The following DNAJC1 variants were observed in gnomAD, a reference collection of about 807,000 sequenced individuals.
DNAJC1 encodes the protein dnaJ homolog subfamily C member 1.
DNAJC1 carries 58 observed loss-of-function variants against 76.6 expected under a neutral mutation model. The observed-to-expected ratio is 0.76, with a 90% CI of 0.61 to 0.94. The LOEUF (loss-of-function observed/expected upper bound fraction) is 0.94. Among genes scored for constraint, DNAJC1 ranks in the 40% least tolerant of loss-of-function variants. The pLI, the probability that DNAJC1 is intolerant of heterozygous loss-of-function variation, is 0.00. For synonymous variants in DNAJC1, 258 were observed against 267.9 expected, an observed-to-expected ratio of 0.96 and a Z score of 0.36; for missense variants, 689 against 677.3, an observed-to-expected ratio of 1.02 and a Z score of -0.19.
intron 1 of DNAJC1, among the ~76,000 whole-genome samples, chr10:21,948,643 T>G (rs1451841473): frequency 6.6e-6 from 1 of 152,214 alleles, no homozygotes; most frequent in African/African-American, 2.4e-5. Context: ...GTTGTAATTG[T>G]TCTATTATTA....
In DNAJC1 at chr10:21,908,196, T is replaced by TATATATATAAAATATATATTATATATA. The variant is rs1564823966; in HGVS notation, c.730-3611_730-3585dup. 1.9e-4 allele frequency among the ~76,000 whole-genome samples: 19 copies of TATATATATAAAATATATATTATATATA among 101,140 alleles called. 1 individual carries two copies. The East Asian group carries it at 3.2e-3, about 17-fold the overall frequency. The allele number at this position is 101,140 out of a possible 152,430, so 66.4% of individuals were successfully genotyped here. On this transcript the variant is annotated intron_variant, in intron 6 of 11. Transcript: ENST00000376980. Reference sequence around the variant, plus strand: ...ATATATAATATATAAAAATATATATTATATATATAAAATATATATTATATA... The same window carrying TATATATATAAAATATATATTATATATA: ...ATATATAATATATAAAAATATATATTATATATATAAAATATATATTATATATAATATATATAAAATATATATTATATA...
chr10:21,949,434 A>G (rs1221479986), intron 1 of DNAJC1, among the ~76,000 whole-genome samples: 7 of 92,926 alleles, frequency 7.5e-5, no homozygotes, highest in South Asian at 3.8e-4. Context: ...TTTTTTTTTG[A>G]GATGGAGTCT....
At chr10:21,958,600 G>A (rs1837734086) in intron 1 of DNAJC1, among the ~76,000 whole-genome samples, 1 of 151,882 alleles carries the variant, frequency 6.6e-6, no homozygotes, top group Non-Finnish European at 1.5e-5. Context: ...CTAATTTTTC[G>A]TATTTTTAGT....
chr10:21,787,020 A>G (rs1171064137), intron 9 of DNAJC1, among the ~76,000 whole-genome samples: 1 of 152,110 alleles, frequency 6.6e-6, no homozygotes, highest in African/African-American at 2.4e-5. Flanking sequence ...ATGTTCTAAA[A>G]TTTACTCAGA....
chr10:21,800,482 T>A (rs1036547475), intron 9 of DNAJC1, among the ~76,000 whole-genome samples: 2 of 152,268 alleles, frequency 1.3e-5, no homozygotes, highest in African/African-American at 2.4e-5. Context: ...GACAATTTTT[T>A]AAAACACCAT....
chr10:21,834,078 C>T (rs1301323218), intron 8 of DNAJC1, among the ~76,000 whole-genome samples: 1 of 152,004 alleles, frequency 6.6e-6, no homozygotes, highest in Non-Finnish European at 1.5e-5. Flanking sequence ...TCCTGGGTAA[C>T]ACGGTGAAAC....
At chr10:21,834,683 T>C (rs994806763) in intron 8 of DNAJC1, among the ~76,000 whole-genome samples, 1 of 152,218 alleles carries the variant, frequency 6.6e-6, no homozygotes, top group African/African-American at 2.4e-5. Flanking sequence ...ATCCCGCACC[T>C]GGTTCAGAGG....
In DNAJC1 at chr10:21,841,295, C is replaced by T. The variant is rs778036838; in HGVS notation, c.979-35196G>A. 2.6e-5 allele frequency among the ~76,000 whole-genome samples: 4 copies of T among 152,142 alleles called. 1 individual carries two copies. The South Asian group carries it at 6.2e-4, about 24-fold the overall frequency. On this transcript the variant is annotated intron_variant, in intron 8 of 11. Transcript: ENST00000376980. ...AAGAGCTTCTGCACAGCAAAAGAAA[C>T]TACCATCAGTGAACAGGCAGCCTAC... is the stretch of plus-strand genomic sequence containing the variant.
At chr10:21,798,141 A>G (rs1485041917) in intron 9 of DNAJC1, among the ~76,000 whole-genome samples, 1 of 152,196 alleles carries the variant, frequency 6.6e-6, no homozygotes, top group Non-Finnish European at 1.5e-5. Flanking sequence ...ACAAGTATAC[A>G]TTGCTAATTA....
At chr10:21,986,445 A>G (rs1382203162) in intron 1 of DNAJC1, among the ~76,000 whole-genome samples, 1 of 152,120 alleles carries the variant, frequency 6.6e-6, no homozygotes, top group East Asian at 1.9e-4. Context: ...TAGCATTTGT[A>G]TATCTTCTTG....
At chr10:21,877,021 T>A (rs1464973018) in intron 8 of DNAJC1, among the ~76,000 whole-genome samples, 1 of 152,154 alleles carries the variant, frequency 6.6e-6, no homozygotes, top group African/African-American at 2.4e-5. Flanking sequence ...ATGCTTGTAA[T>A]CCTAACACTT....
At chr10:21,845,735 GGCAATTGTTTTAAT>G (rs1363046059) in intron 8 of DNAJC1, among the ~76,000 whole-genome samples, 1 of 151,860 alleles carries the variant, frequency 6.6e-6, no homozygotes, top group Non-Finnish European at 1.5e-5. Context: ...AATGCTCCAA[GGCAATTGTTTTAAT>G]GCAGAAAATA....
intron 8 of DNAJC1, among the ~76,000 whole-genome samples, chr10:21,852,700 A>G (rs1217126010): frequency 6.6e-6 from 1 of 152,154 alleles, no homozygotes; most frequent in African/African-American, 2.4e-5. Flanking sequence ...CATACCAAGC[A>G]TAATGCTTGG....
intron 1 of DNAJC1, among the ~76,000 whole-genome samples, chr10:21,999,480 G>C (rs1838480688): frequency 7.3e-6 from 1 of 137,054 alleles, no homozygotes; most frequent in African/African-American, 2.7e-5. Context: ...TTTTGAGACG[G>C]AGTCTCGCTC....
intron 10 of DNAJC1, 118 bp from the exon 11 acceptor site, chr10:21,759,736 T>A: frequency 1.2e-6 from 1 of 833,834 alleles, no homozygotes; most frequent in Non-Finnish European, 1.9e-6. Flanking sequence ...ATGCATGGTT[T>A]AATTTCATTT....
intron 1 of DNAJC1, among the ~76,000 whole-genome samples, chr10:21,967,049 T>G (rs1267044609): frequency 1.3e-5 from 2 of 151,704 alleles, no homozygotes; most frequent in East Asian, 3.9e-4. Flanking sequence ...TCTCAAAATT[T>G]TTTACAGTCT....
rs532971786 is a variant in DNAJC1, at chr10:21,813,175, C to CCTCTCT, written c.979-7082_979-7077dup. On this transcript the variant is annotated intron_variant, in intron 8 of 11. Coordinates refer to ENST00000376980, the MANE Select transcript of DNAJC1 (RefSeq NM_022365.4). Reference sequence around the variant, plus strand: ...GTCTCTCTCTCTCTCTCTCTCTCTCCCTCTCTCTCTCTCTCTCTCTCTCTC... The same window carrying CCTCTCT: ...GTCTCTCTCTCTCTCTCTCTCTCTCCCTCTCTCTCTCTCTCTCTCTCTCTCTCTCTC... Among the ~76,000 whole-genome samples the CCTCTCT allele has an allele frequency of 7.1e-4, 20 of 28,320 alleles. 1 individual carries two copies. Among genetic ancestry groups the CCTCTCT allele is most frequent in the East Asian group, 9.8e-4 (1 of 1,018 alleles). The allele number at this position is 28,320 out of a possible 152,430, so 18.6% of individuals were successfully genotyped here.
At chr10:21,837,840 G>A (rs1379094319) in intron 8 of DNAJC1, among the ~76,000 whole-genome samples, 27 of 124,848 alleles carry the variant, frequency 2.2e-4, no homozygotes, top group African/African-American at 4.9e-4. Context: ...GGCAGCCCCC[G>A]CCTGGCCAGC....
At chr10:21,785,094 A>T (rs760147496) in intron 9 of DNAJC1, among the ~76,000 whole-genome samples, 8 of 152,348 alleles carry the variant, frequency 5.3e-5, no homozygotes, top group Non-Finnish European at 8.8e-5. Flanking sequence ...GCTTTAAAAA[A>T]GTCTTATTTA....
Sources: gnomAD v4.1 joint callset for allele counts (sites outside exome capture counted in the v4.1 genomes callset) on GRCh38, gnomAD v4.1.1 for gene constraint, MANE v1.5 for transcripts, NCBI Gene and HGNC (gene_info 2026-07-23, HGNC 2026-07-21) for gene names.